SLC39A12: variants seen among roughly 807,000 people sequenced by gnomAD.
SLC39A12 encodes the protein solute carrier family 39 member 12.
A neutral mutation model predicts 71.1 loss-of-function variants in SLC39A12; 63 were observed. The ratio of observed to expected loss-of-function variants is 0.89; its 90% CI spans 0.72 to 1.09. The LOEUF (loss-of-function observed/expected upper bound fraction) is 1.09, where lower values mean the gene tolerates loss of function less well. Ranked by LOEUF, SLC39A12 falls within the 50% of genes least tolerant of loss-of-function variation. The pLI, the probability that SLC39A12 is intolerant of heterozygous loss-of-function variation, is 0.00. For missense variants in SLC39A12, 892 were observed against 812.6 expected (o/e 1.10, Z -1.19); for synonymous variants, 351 against 301.3 (o/e 1.16, Z -1.71).
At chr10:18,010,021 A>G (rs1022096201) in intron 12 of SLC39A12, among the ~76,000 whole-genome samples, 2 of 152,322 alleles carry the variant, frequency 1.3e-5, no homozygotes, top group African/African-American at 4.8e-5. Context: ...TCTTCATCAT[A>G]TAACTATAAA....
intron 12 of SLC39A12, among the ~76,000 whole-genome samples, chr10:18,041,472 G>C (rs1405370333): frequency 2.7e-5 from 4 of 148,878 alleles, no homozygotes; most frequent in East Asian, 4.0e-4. Flanking sequence ...CTCCAGCCTG[G>C]GTGACAGAGT....
rs755827669 is a variant in SLC39A12 at position 18,042,726 on chromosome 10, C to G, written c.1969C>G (p.Gln657Glu). 4.4e-6 allele frequency: 7 copies of G among 1,608,732 alleles called. No individual in the cohort carries two copies. The South Asian group carries it at 7.8e-5, about 18-fold the overall frequency. ...VEMLPEMTHV[Q>E]TQRPWMMFLL... ...TTAGCTTCCTGAAATGACTCATGTT[C>G]AAACACAACGACCCTGGATGATGTT... Residue 657 changes from glutamine (Q) to glutamate (E), a missense_variant, in exon 13 of 13, where the codon CAA becomes GAA. By Grantham distance (29) the Gln-to-Glu change is conservative (BLOSUM62 2). Transcript: ENST00000377369.
At chr10:17,981,516 G>A in intron 6 of SLC39A12, 33 bp downstream of exon 6, 1 of 1,554,194 alleles carries the variant, frequency 6.4e-7, no homozygotes, top group South Asian at 1.2e-5. Context: ...GAAAGCTGAT[G>A]TGCACAATGT....
intron 2 of SLC39A12, among the ~76,000 whole-genome samples, chr10:17,954,538 GCCACGGCGCC>G (rs1433275468): frequency 2.0e-5 from 3 of 152,202 alleles, no homozygotes; most frequent in African/African-American, 7.2e-5. Context: ...ACAGGTGTGA[GCCACGGCGCC>G]CGGCCTCCAG....
At chr10:18,029,732 G>C (rs1392974251) in intron 12 of SLC39A12, among the ~76,000 whole-genome samples, 1 of 151,712 alleles carries the variant, frequency 6.6e-6, no homozygotes, top group Non-Finnish European at 1.5e-5. Flanking sequence ...GAGGAAGAAG[G>C]GATTTTTCTT....
chr10:18,000,567 G>C, intron 10 of SLC39A12, 100 bp from the exon 11 acceptor site: 1 of 1,088,214 alleles, frequency 9.2e-7, no homozygotes. Flanking sequence ...TGGAATATAA[G>C]AATGTCAAGT....
intron 10 of SLC39A12, among the ~76,000 whole-genome samples, chr10:17,999,264 C>T (rs1028594034): frequency 4.5e-5 from 6 of 134,744 alleles, no homozygotes; most frequent in Non-Finnish European, 9.2e-5. Flanking sequence ...TACTGCACTC[C>T]AGCCTGGGCA....
At chr10:18,020,548 T>A (rs138645887) in intron 12 of SLC39A12, among the ~76,000 whole-genome samples, 44 of 152,268 alleles carry the variant, frequency 2.9e-4, no homozygotes, top group African/African-American at 1.0e-3. Flanking sequence ...ATCTCCAGAC[T>A]GTTTTCCACA....
At chr10:17,976,723 C>T (rs998213871) in intron 4 of SLC39A12, among the ~76,000 whole-genome samples, 1 of 152,188 alleles carries the variant, frequency 6.6e-6, no homozygotes, top group Non-Finnish European at 1.5e-5. Context: ...CCACGCTGGT[C>T]CTCAAGATTT....
chr10:17,986,956 A>G (rs776938816), intron 6 of SLC39A12, among the ~76,000 whole-genome samples: 1 of 151,994 alleles, frequency 6.6e-6, no homozygotes, highest in African/African-American at 2.4e-5. Flanking sequence ...AGTGAGCTAT[A>G]ATCACACCAC....
intron 12 of SLC39A12, among the ~76,000 whole-genome samples, chr10:18,041,577 T>C (rs200793660): frequency 1.8e-5 from 2 of 109,132 alleles, no homozygotes; most frequent in East Asian, 3.4e-4. Context: ...CACACACACA[T>C]ACATACACAC....
intron 7 of SLC39A12, 106 bp downstream of exon 7, chr10:17,987,757 A>G: frequency 2.6e-6 from 3 of 1,160,526 alleles, no homozygotes; most frequent in East Asian, 2.3e-5. Flanking sequence ...AAGAGAGAGT[A>G]TCGTGGCTGG....
intron 5 of SLC39A12, 84 bp downstream of exon 5, chr10:17,978,158 A>G (rs375694166): frequency 2.1e-5 from 25 of 1,182,172 alleles, no homozygotes; most frequent in Non-Finnish European, 2.7e-5. Flanking sequence ...GTTGTAGAAA[A>G]CTTAAAGAGT....
chr10:17,956,129 C>T (rs1436268620), intron 2 of SLC39A12, among the ~76,000 whole-genome samples: 2 of 152,024 alleles, frequency 1.3e-5, no homozygotes, highest in Non-Finnish European at 2.9e-5. Flanking sequence ...TATATGTGCC[C>T]CTGAGGGAGA....
At chr10:17,985,144 A>C (rs1245577850) in intron 6 of SLC39A12, among the ~76,000 whole-genome samples, 2 of 152,140 alleles carry the variant, frequency 1.3e-5, no homozygotes. Flanking sequence ...GGAGTTCGAG[A>C]CCAGCCTGGC....
chr10:18,028,556 A>G (rs74118085), intron 12 of SLC39A12, among the ~76,000 whole-genome samples: 5,685 of 152,206 alleles, frequency 0.037, 372 homozygotes, highest in African/African-American at 0.13. Flanking sequence ...TCTTTGTGAC[A>G]GGTCCTCCCT....
rs532033230 is a variant in SLC39A12, at chr10:17,954,274, G to C, written c.261+737G>C. ...ATTTATTTTATTTTATTTATTGTGA[G>C]ACAGAGTCTCGCCCTGTTGCCCAGG... On this transcript the variant is annotated intron_variant, in intron 2 of 12. Coordinates refer to ENST00000377369, the MANE Select transcript of SLC39A12 (RefSeq NM_001145195.2). Among the ~76,000 whole-genome samples, 6 of 152,236 alleles carry C rather than the reference G, an allele frequency of 3.9e-5. No individual in the cohort carries two copies. The South Asian group carries it at 1.2e-3, about 32-fold the overall frequency.
At chr10:18,039,782 T>C (rs1189473458) in intron 12 of SLC39A12, among the ~76,000 whole-genome samples, 4 of 152,166 alleles carry the variant, frequency 2.6e-5, no homozygotes, top group African/African-American at 9.7e-5. Context: ...TGTTAATCCC[T>C]CAAGAGTACC....
At chr10:17,969,149 C>A (rs1185765752) in intron 4 of SLC39A12, among the ~76,000 whole-genome samples, 1 of 152,136 alleles carries the variant, frequency 6.6e-6, no homozygotes, top group Non-Finnish European at 1.5e-5. Context: ...GAATGGTATT[C>A]CATTGTGTAT....
Sources: gnomAD v4.1 joint callset for allele counts (sites outside exome capture counted in the v4.1 genomes callset) on GRCh38, gnomAD v4.1.1 for gene constraint, MANE v1.5 for transcripts, NCBI Gene and HGNC (gene_info 2026-07-23, HGNC 2026-07-21) for gene names.